HSDL2: variants seen among roughly 807,000 people sequenced by gnomAD.
The protein encoded by HSDL2 is hydroxysteroid dehydrogenase like 2.
HSDL2 carries 27 observed loss-of-function variants against 46.3 expected under a neutral mutation model. The ratio of observed to expected loss-of-function variants is 0.58; its 90% confidence interval spans 0.43 to 0.80. The LOEUF is 0.80. HSDL2 is among the 30% of genes least tolerant of loss of function. The probability of loss-of-function intolerance (pLI) is 0.00; values close to 1 mark genes in which losing one functional copy is unlikely to be tolerated. For missense variants in HSDL2, 451 were observed against 502.7 expected (o/e 0.90, Z 0.98); for synonymous variants, 153 against 163.6 (o/e 0.94, Z 0.50).
chr9:112,470,470 T>C lies in HSDL2; in HGVS notation c.1183T>C (p.Leu395=), dbSNP rs200431743. The C allele has an allele frequency of 9.2e-5, 148 of 1,611,788 alleles. No individual in the cohort carries two copies. Among genetic ancestry groups the C allele is most frequent in the Admixed American group, 2.8e-4 (17 of 59,860 alleles). Residue 395 remains leucine (L), a synonymous_variant, in exon 11 of 11, where the codon TTG becomes CTG. Coordinates refer to ENST00000398805, the MANE Select transcript of HSDL2 (RefSeq NM_032303.5). ...AACAATGGCATTCATGTCAGGGAAA[T>C]TGAAGATTAAAGGTAACATGGCCCT... ...KPTMAFMSGK[L]KIKGNMALAI... is the part of the protein sequence containing the mutation.
chr9:112,432,851 T>C (rs571925194), intron 6 of HSDL2, among the ~76,000 whole-genome samples: 1 of 152,324 alleles, frequency 6.6e-6, no homozygotes, highest in Non-Finnish European at 1.5e-5. Context: ...CACTGAAACC[T>C]GTGCCTCCTG....
chr9:112,424,641 G>T (rs2132651973), intron 6 of HSDL2, among the ~76,000 whole-genome samples: 1 of 151,728 alleles, frequency 6.6e-6, no homozygotes, highest in South Asian at 2.1e-4. Context: ...TAGTTTTATT[G>T]TAATAAGACA....
At chr9:112,447,256 A>G (rs75219245) in intron 8 of HSDL2, among the ~76,000 whole-genome samples, 2,251 of 152,214 alleles carry the variant, frequency 0.015, 46 homozygotes, top group African/African-American at 0.052. Flanking sequence ...TTGTAGTCTG[A>G]TGGCTGCACC....
chr9:112,397,201 G>C (rs1005009130), intron 1 of HSDL2, among the ~76,000 whole-genome samples: 1 of 152,084 alleles, frequency 6.6e-6, no homozygotes, highest in Admixed American at 6.6e-5. Context: ...AGAATCAGTC[G>C]AGCCGGTTTG....
intron 8 of HSDL2, among the ~76,000 whole-genome samples, chr9:112,447,188 ATCT>A (rs1384975974): frequency 2.0e-5 from 3 of 152,178 alleles, no homozygotes; most frequent in African/African-American, 4.8e-5. Context: ...GCCATATGTC[ATCT>A]TCTTTTGTGT....
At chr9:112,453,303 G>A (rs1832932575) in intron 8 of HSDL2, among the ~76,000 whole-genome samples, 1 of 152,136 alleles carries the variant, frequency 6.6e-6, no homozygotes, top group Non-Finnish European at 1.5e-5. Context: ...ATGTCTTTTT[G>A]TTCTCATTTG....
chr9:112,429,698 T>C (rs1832341103), intron 6 of HSDL2, among the ~76,000 whole-genome samples: 1 of 152,122 alleles, frequency 6.6e-6, no homozygotes. Context: ...AAGTATATAG[T>C]ATGCTAAAGG....
At chr9:112,444,779 A>G (rs1832714081) in intron 8 of HSDL2, among the ~76,000 whole-genome samples, 1 of 148,402 alleles carries the variant, frequency 6.7e-6, no homozygotes. Context: ...TTATTTCTTC[A>G]TTGATTCCCC....
intron 5 of HSDL2, 98 bp downstream of exon 5, chr9:112,417,042 TTCA>T: frequency 2.1e-6 from 1 of 477,998 alleles, no homozygotes. Context: ...GCACATAACA[TTCA>T]TCATTGAATT....
rs71382430 is a variant in HSDL2 at position 112,426,234 on chromosome 9, C to CTTT, written c.598+7293_598+7295dup. 1.4e-3 allele frequency among the ~76,000 whole-genome samples: 138 copies of CTTT among 95,748 alleles called. 3 individuals carry two copies. The highest frequency in any genetic ancestry group is 6.1e-3 in the South Asian group (16 of 2,620). The allele number at this position is 95,748 out of a possible 152,430, so 62.8% of individuals were successfully genotyped here. ...CAATCCCCACTTTCTGGTAAGCCTTCTTTTTTTTTTTTTTTTTTTGAGATG... is the reference window on the plus strand; with the variant it reads ...CAATCCCCACTTTCTGGTAAGCCTTCTTTTTTTTTTTTTTTTTTTTTTGAGATG... On this transcript the variant is annotated intron_variant, in intron 6 of 10. Transcript: ENST00000398805.
At chr9:112,399,634 C>A (rs140287007) in intron 1 of HSDL2, among the ~76,000 whole-genome samples, 1 of 152,124 alleles carries the variant, frequency 6.6e-6, no homozygotes, top group African/African-American at 2.4e-5. Context: ...GACCTCCCCC[C>A]AGGAATGCAT....
intron 6 of HSDL2, among the ~76,000 whole-genome samples, chr9:112,436,305 A>G (rs1459309300): frequency 6.6e-6 from 1 of 151,840 alleles, no homozygotes; most frequent in Non-Finnish European, 1.5e-5. Flanking sequence ...TGAAGTAGAA[A>G]AGTGTCTTCT....
intron 10 of HSDL2, among the ~76,000 whole-genome samples, chr9:112,463,176 T>C (rs1200677791): frequency 2.0e-5 from 3 of 152,186 alleles, no homozygotes; most frequent in Non-Finnish European, 4.4e-5. Flanking sequence ...ATACATGTTA[T>C]CAGTATGGAT....
At chr9:112,395,262 C>A (rs1159254076) in intron 1 of HSDL2, among the ~76,000 whole-genome samples, 1 of 152,172 alleles carries the variant, frequency 6.6e-6, no homozygotes. Flanking sequence ...CGGCACAGAT[C>A]TCACCAGGTA....
At chr9:112,453,292 A>C (rs1832932176) in intron 8 of HSDL2, among the ~76,000 whole-genome samples, 1 of 152,216 alleles carries the variant, frequency 6.6e-6, no homozygotes, top group African/African-American at 2.4e-5. Context: ...TTCTGATTCC[A>C]ATGTCTTTTT....
At chr9:112,433,137 G>A (rs2132663739) in intron 6 of HSDL2, among the ~76,000 whole-genome samples, 1 of 152,260 alleles carries the variant, frequency 6.6e-6, no homozygotes, top group Middle Eastern at 3.4e-3. Context: ...ATTTTCAAAA[G>A]TAGGTAAACA....
chr9:112,440,545 C>CT (rs1832618283), intron 7 of HSDL2, among the ~76,000 whole-genome samples: 1 of 152,150 alleles, frequency 6.6e-6, no homozygotes, highest in East Asian at 1.9e-4. Flanking sequence ...AAACAGTTAA[C>CT]CTATTTGCTA....
chr9:112,414,842 G>A (rs1831956792), intron 4 of HSDL2, among the ~76,000 whole-genome samples: 1 of 151,988 alleles, frequency 6.6e-6, no homozygotes, highest in Non-Finnish European at 1.5e-5. Context: ...ATTATATTTG[G>A]TAAGCTTGGT....
chr9:112,453,817 A>G (rs928759213), intron 8 of HSDL2, among the ~76,000 whole-genome samples, 196 bp from the exon 9 acceptor site: 8 of 152,206 alleles, frequency 5.3e-5, no homozygotes, highest in Admixed American at 2.0e-4. Context: ...ATTTACATTT[A>G]TAGTCATAAT....
Sources: gnomAD v4.1 joint callset for allele counts (sites outside exome capture counted in the v4.1 genomes callset) on GRCh38, gnomAD v4.1.1 for gene constraint, MANE v1.5 for transcripts, NCBI Gene and HGNC (gene_info 2026-07-23, HGNC 2026-07-21) for gene names.